Variants in DHTKD1 observed in about 807,000 individuals in gnomAD.
DHTKD1 encodes the protein 2-oxoadipate dehydrogenase complex component E1.
DHTKD1 carries 78 observed loss-of-function variants against 101.8 expected under a neutral mutation model. The observed-to-expected ratio is 0.77, with a 90% CI of 0.64 to 0.93. The LOEUF (loss-of-function observed/expected upper bound fraction) is 0.93, where lower values mean the gene tolerates loss of function less well. Among genes scored for constraint, DHTKD1 ranks in the 40% least tolerant of loss-of-function variants. DHTKD1 has a pLI of 0.00. For synonymous variants in DHTKD1, 462 were observed against 450.3 expected, an observed-to-expected ratio of 1.03 and a Z score of -0.33; for missense variants, 1,223 against 1,161.7, an observed-to-expected ratio of 1.05 and a Z score of -0.77.
intron 8 of DHTKD1, among the ~76,000 whole-genome samples, chr10:12,099,769 T>G (rs548680181): frequency 6.6e-6 from 1 of 150,906 alleles, no homozygotes; most frequent in South Asian, 2.1e-4. Context: ...TATTCAGCAT[T>G]GTTTTTGATG....
rs889721460 is a variant in DHTKD1 at position 12,080,159 on chromosome 10, GGGCGCCTGTA to G, written c.155-1301_155-1292del. ...GCTGGGCGTGGTGGCGGGTGCCTGT[GGGCGCCTGTA>G]GGCGCCTGTAGTCCCAGCTACTCAG... On this transcript the variant is annotated intron_variant, in intron 1 of 16. Transcript: ENST00000263035. Among the ~76,000 whole-genome samples the G allele has an allele frequency of 1.9e-4, 29 of 150,892 alleles. No homozygotes were observed. In the East Asian group the frequency reaches 2.4e-3, roughly 13 times the overall value.
intron 1 of DHTKD1, among the ~76,000 whole-genome samples, chr10:12,073,222 G>A (rs138092159): frequency 4.0e-5 from 6 of 151,716 alleles, no homozygotes; most frequent in African/African-American, 1.2e-4. Flanking sequence ...TAGTAGAGAC[G>A]TGGTTTCACC....
chr10:12,071,497 C>T (rs528199955), intron 1 of DHTKD1, among the ~76,000 whole-genome samples: 64 of 152,234 alleles, frequency 4.2e-4, no homozygotes, highest in African/African-American at 1.5e-3. Context: ...TTAGGCCGGG[C>T]GCGGTGGCTC....
chr10:12,098,854 C>T (rs1833113680), intron 8 of DHTKD1, among the ~76,000 whole-genome samples: 1 of 152,194 alleles, frequency 6.6e-6, no homozygotes, highest in African/African-American at 2.4e-5. Context: ...TGTGAGCCAC[C>T]ATGCCTAACA....
chr10:12,114,675 A>G (rs1463632795), intron 13 of DHTKD1, among the ~76,000 whole-genome samples: 2 of 152,192 alleles, frequency 1.3e-5, no homozygotes, highest in African/African-American at 2.4e-5. Flanking sequence ...CCATTCAAGA[A>G]TATCTTGTGC....
In DHTKD1 at chr10:12,102,409, C is replaced by T. The variant is rs58630925; in HGVS notation, c.1896+1228C>T. Among the ~76,000 whole-genome samples the T allele has an allele frequency of 3.0e-3, 389 of 130,090 alleles. 9 individuals are homozygous for T. The East Asian group carries it at 0.081, about 27-fold the overall frequency. 85.3% of individuals were successfully genotyped at this position (130,090 alleles called of 152,430 possible). On this transcript the variant is annotated intron_variant, in intron 10 of 16. Coordinates refer to ENST00000263035, the MANE Select transcript of DHTKD1 (RefSeq NM_018706.7). ...ACTGCACTCCAGCCTGGTGACAGAG[C>T]GAGACTCTGTCTCAAAAAAAAAAAA...
intron 10 of DHTKD1, 125 bp downstream of exon 10, chr10:12,101,306 T>G: frequency 9.6e-7 from 1 of 1,042,904 alleles, no homozygotes; most frequent in South Asian, 1.8e-5. Context: ...AAAGGAGTGC[T>G]AAATGGGTGG....
intron 8 of DHTKD1, among the ~76,000 whole-genome samples, chr10:12,098,595 C>T (rs2131365894): frequency 6.6e-6 from 1 of 152,310 alleles, no homozygotes; most frequent in Admixed American, 6.5e-5. Flanking sequence ...GATGGAATCT[C>T]ACTCTGTCAC....
rs1833195066 is a variant in DHTKD1, at chr10:12,103,026, T to C, written c.1896+1845T>C. On this transcript the variant is annotated intron_variant, in intron 10 of 16. Coordinates refer to ENST00000263035, the MANE Select transcript of DHTKD1 (RefSeq NM_018706.7). This position sits in a 1 kb window ranked among gnomAD's most constrained non-coding sequence, Gnocchi z 4.8. ...TCACTTGAGGCCAGGAGTTCAACAC[T>C]GGCCTGGCCAACATGGCGAAACCCT... 6.6e-6 allele frequency among the ~76,000 whole-genome samples: 1 copy of C among 152,174 alleles called. No individual in the cohort carries two copies. Among genetic ancestry groups the C allele is most frequent in the African/African-American group, 2.4e-5 (1 of 41,452 alleles).
Position 12,113,025 on chromosome 10 carries a change from A to G in DHTKD1, c.2280A>G (p.Pro760=), listed in dbSNP as rs762135292. The change falls in exon 13 of 17, where the codon CCA becomes CCG. Residue 760 remains proline, a synonymous_variant. Transcript: ENST00000263035. ...RRQMVRNFRK[P]LIVASPKMLL... The stretch of plus-strand genomic sequence containing the variant: ...AGATGGTCCGGAACTTCAGAAAACC[A>G]CTCATTGTTGCTTCCCCTAAGATGT... 6.2e-7 allele frequency: 1 copy of G among 1,613,188 alleles called. No individual in the cohort carries two copies. The highest frequency in any genetic ancestry group is 8.5e-7 in the Non-Finnish European group (1 of 1,179,670).
rs1372578029 is a variant in DHTKD1, at chr10:12,122,841, G to C, written c.*1953G>C. The C allele has an allele frequency of 6.6e-6, 1 of 152,086 alleles. No individual in the cohort carries two copies. The highest frequency in any genetic ancestry group is 1.5e-5 in the Non-Finnish European group (1 of 68,060). The allele number at this position is 152,086 out of a possible 1,614,324, so 9.4% of individuals were successfully genotyped here. On this transcript the variant is annotated 3_prime_UTR_variant, in exon 17 of 17. Coordinates refer to ENST00000263035, the MANE Select transcript of DHTKD1 (RefSeq NM_018706.7). The stretch of plus-strand genomic sequence containing the variant: ...GGCCTCTACCATCTACTGTGCTTGT[G>C]TCATGATGCTTTTTCTCTGAAGTGG...
At chr10:12,104,184 C>G (rs1833212392) in intron 10 of DHTKD1, among the ~76,000 whole-genome samples, 2 of 152,126 alleles carry the variant, frequency 1.3e-5, no homozygotes, top group Non-Finnish European at 1.5e-5. Context: ...ATCAGTACAT[C>G]CTTCTTTTTT....
intron 3 of DHTKD1, among the ~76,000 whole-genome samples, chr10:12,085,407 A>G (rs1368202009): frequency 2.0e-5 from 3 of 152,206 alleles, no homozygotes; most frequent in Non-Finnish European, 2.9e-5. Context: ...CATATAACAC[A>G]CACCATTTTA....
chr10:12,109,853 T>C (rs1030002354), intron 12 of DHTKD1, among the ~76,000 whole-genome samples: 1 of 151,912 alleles, frequency 6.6e-6, no homozygotes, highest in Non-Finnish European at 1.5e-5. Context: ...ACCACTGAAT[T>C]TAGAAATCAA....
intron 2 of DHTKD1, among the ~76,000 whole-genome samples, chr10:12,084,201 C>T (rs765351224): frequency 1.3e-5 from 2 of 152,076 alleles, no homozygotes; most frequent in Non-Finnish European, 2.9e-5. Flanking sequence ...GGATTACAGG[C>T]GTGAGCCACG....
chr10:12,112,175 G>T (rs559675977), intron 12 of DHTKD1, among the ~76,000 whole-genome samples: 2 of 152,202 alleles, frequency 1.3e-5, no homozygotes, highest in South Asian at 4.2e-4. Context: ...TTAGTCAGGT[G>T]TGGTAGCAGG....
rs887416294 is a variant in DHTKD1, at chr10:12,103,315, A to G, written c.1896+2134A>G. On this transcript the variant is annotated intron_variant, in intron 10 of 16. Transcript: ENST00000263035. The surrounding 1 kb of genome is among the most constrained non-coding windows in gnomAD (Gnocchi z 4.8). Reference sequence around the variant, plus strand: ...CTTGATCTTGGTAGTGAGAGTAGCTATATTTTCCTGAGTAGTGATCTGCCT... The same window carrying G: ...CTTGATCTTGGTAGTGAGAGTAGCTGTATTTTCCTGAGTAGTGATCTGCCT... Among the ~76,000 whole-genome samples, 16 of 152,140 alleles carry G rather than the reference A, an allele frequency of 1.1e-4. No homozygotes were observed. The highest frequency in any genetic ancestry group is 1.6e-4 in the Non-Finnish European group (11 of 68,044).
Position 12,069,203 on chromosome 10 carries a change from CG to C in DHTKD1, c.154+19del. On this transcript the variant is annotated intron_variant, in intron 1 of 16. Transcript: ENST00000263035. ...CGCCCCCCAGGTCGGGGATGGGGCC[CG>C]GGCGGTGGGAGCGGGGGCTGGGACG... 1 of 1,402,930 alleles carries C rather than the reference CG, an allele frequency of 7.1e-7. No individual in the cohort carries two copies. Among genetic ancestry groups the C allele is most frequent in the African/African-American group, 1.5e-5 (1 of 66,990 alleles). 86.9% of individuals were successfully genotyped at this position (1,402,930 alleles called of 1,614,324 possible). A position where few individuals can be genotyped will look rare whatever the true frequency, so the allele number is the denominator to read the frequency against.
chr10:12,070,962 TCCTACAGGA>T (rs1832642407), intron 1 of DHTKD1, among the ~76,000 whole-genome samples: 1 of 152,192 alleles, frequency 6.6e-6, no homozygotes, highest in Middle Eastern at 3.2e-3. Flanking sequence ...CTCAGTCCTG[TCCTACAGGA>T]CAAAAACCAA....
Sources: allele counts gnomAD v4.1 joint callset (sites outside exome capture counted in the v4.1 genomes callset), GRCh38; gene constraint gnomAD v4.1.1; non-coding constraint Gnocchi (gnomAD v3.1); transcripts MANE v1.5; gene names NCBI Gene and HGNC (gene_info 2026-07-23, HGNC 2026-07-21).